Variants in SORCS2 observed in about 807,000 individuals in gnomAD.
SORCS2 encodes sortilin related VPS10 domain containing receptor 2.
In SORCS2, 100 loss-of-function variants were observed where a neutral mutation model predicts 141.6. That is an observed-to-expected ratio of 0.71 (90% confidence interval 0.60 to 0.83). SORCS2 has a LOEUF of 0.83. Ranked by LOEUF, SORCS2 falls within the 40% of genes least tolerant of loss-of-function variation. The pLI is 0.00. For missense variants in SORCS2, 1,646 were observed against 1,560.2 expected (o/e 1.05, Z -0.93); for synonymous variants, 789 against 676.9 (o/e 1.17, Z -2.57).
intron 1 of SORCS2, among the ~76,000 whole-genome samples, chr4:7,313,944 C>T (rs1159745283): frequency 6.6e-6 from 1 of 152,202 alleles, no homozygotes; most frequent in East Asian, 1.9e-4. Context: ...GCTGCAGACC[C>T]CAGAGCCCAC....
chr4:7,518,346 A>C (rs568268018), intron 2 of SORCS2, among the ~76,000 whole-genome samples: 2 of 152,068 alleles, frequency 1.3e-5, no homozygotes, highest in South Asian at 4.2e-4. Flanking sequence ...GCTCACACGC[A>C]CCCTCTTTGG....
intron 19 of SORCS2, among the ~76,000 whole-genome samples, chr4:7,724,462 G>T (rs1257081616): frequency 1.3e-4 from 13 of 100,604 alleles, no homozygotes; most frequent in Admixed American, 2.2e-4. Flanking sequence ...GGTGATGGTG[G>T]TGGTGATGGT....
intron 1 of SORCS2, among the ~76,000 whole-genome samples, chr4:7,350,508 C>T (rs970839077): frequency 4.6e-5 from 7 of 152,216 alleles, no homozygotes; most frequent in African/African-American, 1.7e-4. Flanking sequence ...CAAAGGGCAG[C>T]GTGGCTGGGC....
At chr4:7,613,341 C>T (rs1339934069) in intron 3 of SORCS2, among the ~76,000 whole-genome samples, 6 of 152,192 alleles carry the variant, frequency 3.9e-5, no homozygotes, top group South Asian at 4.1e-4. Flanking sequence ...GAGTCGCGGG[C>T]GCTGTCTGTT....
intron 23 of SORCS2, among the ~76,000 whole-genome samples, chr4:7,731,958 C>G (rs1236198850): frequency 6.6e-6 from 1 of 152,156 alleles, no homozygotes; most frequent in East Asian, 1.9e-4. Flanking sequence ...AACAGGATGT[C>G]AAACCAAGAG....
chr4:7,544,695 A>G (rs1398692651), intron 3 of SORCS2, among the ~76,000 whole-genome samples: 1 of 152,218 alleles, frequency 6.6e-6, no homozygotes, highest in African/African-American at 2.4e-5. Context: ...TTGACCCCCT[A>G]GCTATGGGTG....
intron 2 of SORCS2, among the ~76,000 whole-genome samples, chr4:7,522,558 C>G (rs1366993037): frequency 3.3e-5 from 5 of 152,176 alleles, no homozygotes; most frequent in African/African-American, 9.7e-5. Flanking sequence ...GCACCAGGCA[C>G]AGAGAGAGGA....
At chr4:7,237,093 CAGG>C (rs1313244475) in intron 1 of SORCS2, among the ~76,000 whole-genome samples, 1 of 152,144 alleles carries the variant, frequency 6.6e-6, no homozygotes, top group Non-Finnish European at 1.5e-5. Context: ...GGCAGTGGTG[CAGG>C]AGGAGTTTGG....
intron 2 of SORCS2, among the ~76,000 whole-genome samples, chr4:7,437,926 T>A (rs1437691061): frequency 6.6e-6 from 1 of 152,202 alleles, no homozygotes; most frequent in African/African-American, 2.4e-5. Flanking sequence ...TATTTGCACG[T>A]AATTTTTTTA....
chr4:7,492,122 G>T (rs1427967093), intron 2 of SORCS2, among the ~76,000 whole-genome samples: 2 of 152,322 alleles, frequency 1.3e-5, no homozygotes, highest in South Asian at 2.1e-4. Context: ...AGAGACAGGT[G>T]CACGCTGCTG....
chr4:7,324,692 A>G (rs1381944137), intron 1 of SORCS2, among the ~76,000 whole-genome samples: 1 of 152,228 alleles, frequency 6.6e-6, no homozygotes, highest in African/African-American at 2.4e-5. Flanking sequence ...CCACCCTGCA[A>G]AAAACAAAAC....
intron 2 of SORCS2, among the ~76,000 whole-genome samples, chr4:7,440,287 C>T (rs1229957647): frequency 6.6e-6 from 1 of 152,192 alleles, no homozygotes; most frequent in Non-Finnish European, 1.5e-5. Flanking sequence ...GGAGCTCTCT[C>T]CCCAAATAAT....
intron 2 of SORCS2, among the ~76,000 whole-genome samples, chr4:7,505,315 G>C (rs996528676): frequency 1.3e-5 from 2 of 152,320 alleles, no homozygotes; most frequent in Admixed American, 6.5e-5. Flanking sequence ...CCGGCGGGGA[G>C]CCAGGCACGG....
chr4:7,262,365 CCTAT>C (rs1560148449), intron 1 of SORCS2, among the ~76,000 whole-genome samples: 16 of 141,304 alleles, frequency 1.1e-4, no homozygotes, highest in South Asian at 9.6e-4. Flanking sequence ...CATCCACCCA[CCTAT>C]CCATCTATCC....
In SORCS2 at chr4:7,589,602, C is replaced by G. The variant is rs577553560; in HGVS notation, c.649-48726C>G. Among the ~76,000 whole-genome samples, 284 of 152,252 alleles carry G rather than the reference C, an allele frequency of 1.9e-3. 3 individuals carry two copies. The highest frequency in any genetic ancestry group is 6.6e-3 in the African/African-American group (273 of 41,538). On this transcript the variant is annotated intron_variant, in intron 3 of 26. Coordinates refer to ENST00000507866, the MANE Select transcript of SORCS2 (RefSeq NM_020777.3). ...ATTTTTAGTAAAGAAGGGGTTTCAC[C>G]ATATTGGCCAGGCTTGTCTCGAACT...
chr4:7,273,919 G>T (rs543968173), intron 1 of SORCS2, among the ~76,000 whole-genome samples: 1 of 152,214 alleles, frequency 6.6e-6, no homozygotes, highest in Non-Finnish European at 1.5e-5. Flanking sequence ...GTGTCCAGGG[G>T]ACCATGCTGG....
rs141929540 is a variant in SORCS2, at chr4:7,666,322, T to C, written c.1072-802T>C. On this transcript the variant is annotated intron_variant, in intron 7 of 26. Coordinates refer to ENST00000507866, the MANE Select transcript of SORCS2 (RefSeq NM_020777.3). ...TTGTCTGGTGTCGGTGCTCGCGACA[T>C]TGTTTGTGAGGGGCAGGAGAAGGTG... 8.5e-5 allele frequency among the ~76,000 whole-genome samples: 13 copies of C among 152,156 alleles called. No homozygotes were observed. In the East Asian group the frequency reaches 1.2e-3, roughly 14 times the overall value.
chr4:7,366,658 T>A (rs1721918385), intron 1 of SORCS2, among the ~76,000 whole-genome samples: 1 of 152,060 alleles, frequency 6.6e-6, no homozygotes, highest in African/African-American at 2.4e-5. Flanking sequence ...TCTCAGCTCC[T>A]TGTCACCACT....
intron 1 of SORCS2, among the ~76,000 whole-genome samples, chr4:7,393,143 CCT>C (rs1723973316): frequency 6.6e-6 from 1 of 152,124 alleles, no homozygotes. Context: ...CCGCGGCCGA[CCT>C]CTTGTGGACA....
Sources: allele counts gnomAD v4.1 joint callset (sites outside exome capture counted in the v4.1 genomes callset), GRCh38; gene constraint gnomAD v4.1.1; transcripts MANE v1.5; gene names NCBI Gene and HGNC (gene_info 2026-07-23, HGNC 2026-07-21).